GKAP1: variants seen among roughly 807,000 people sequenced by gnomAD.
GKAP1 encodes the protein G kinase anchoring protein 1.
Under a neutral mutation model 56.7 loss-of-function variants are expected in GKAP1, and 31 were observed. That is an observed-to-expected ratio of 0.55 (90% CI 0.41 to 0.74). The LOEUF (loss-of-function observed/expected upper bound fraction) is 0.74. GKAP1 is among the 30% of genes least tolerant of loss of function. GKAP1 has a pLI of 0.00. For synonymous variants in GKAP1, 151 were observed against 138.6 expected (o/e 1.09, Z -0.63); for missense variants, 364 against 402.3 (o/e 0.90, Z 0.82).
intron 7 of GKAP1, among the ~76,000 whole-genome samples, chr9:83,779,564 T>C (rs1943932028): frequency 8.7e-6 from 1 of 114,978 alleles, no homozygotes. Flanking sequence ...TATGTGTATA[T>C]ATATACACAC....
chr9:83,799,276 C>A lies in GKAP1; in HGVS notation c.269G>T (p.Cys90Phe). ...CAATGGAAGATCATGTTGAGCGTTA[C>A]AAACAGCATGGGAGGATTTCTGGGG... is the stretch of plus-strand genomic sequence containing the variant. The part of the protein sequence containing the change: ...KIPQKSSHAV[C>F]NAQHDLPLSN... Residue 90 changes from cysteine to phenylalanine, a missense_variant, in exon 4 of 13, where the codon TGT becomes TTT. Coordinates refer to ENST00000376371, the MANE Select transcript of GKAP1 (RefSeq NM_025211.4). 1 of 1,605,600 alleles carries A rather than the reference C, an allele frequency of 6.2e-7. No individual in the cohort carries two copies. Among genetic ancestry groups the A allele is most frequent in the Non-Finnish European group, 8.5e-7 (1 of 1,177,568 alleles).
chr9:83,805,157 C>T (rs915032544), intron 3 of GKAP1, among the ~76,000 whole-genome samples: 6 of 152,154 alleles, frequency 3.9e-5, no homozygotes, highest in East Asian at 1.9e-4. Context: ...TCCTGTTGAT[C>T]GGTGACCTTA....
In GKAP1 at chr9:83,739,591, T is replaced by A. The variant is rs1386743499; in HGVS notation, c.*106A>T. ...TAGGGAGCTAGTTGCTTTTAGTTCCTTCAAGAAAAACTGCATAGTTTAGCA... is the reference window on the plus strand; with the variant it reads ...TAGGGAGCTAGTTGCTTTTAGTTCCATCAAGAAAAACTGCATAGTTTAGCA... On this transcript the variant is annotated 3_prime_UTR_variant, in exon 13 of 13. Transcript: ENST00000376371. The A allele has an allele frequency of 3.8e-6, 3 of 785,222 alleles. No individual in the cohort carries two copies. Among genetic ancestry groups the A allele is most frequent in the Non-Finnish European group, 6.0e-6 (3 of 501,236 alleles). 48.6% of individuals were successfully genotyped at this position (785,222 alleles called of 1,614,324 possible).
chr9:83,778,396 G>T (rs151180548), intron 7 of GKAP1, among the ~76,000 whole-genome samples: 2 of 152,182 alleles, frequency 1.3e-5, no homozygotes, highest in African/African-American at 4.8e-5. Flanking sequence ...TCCTCTGCAG[G>T]GACATGGATA....
chr9:83,779,589 A>T (rs200437876), intron 7 of GKAP1, among the ~76,000 whole-genome samples: 1 of 111,716 alleles, frequency 9.0e-6, no homozygotes, highest in South Asian at 3.0e-4. Context: ...ATATACACGT[A>T]TATGTGTATA....
chr9:83,800,445 T>C (rs184614319), intron 3 of GKAP1, among the ~76,000 whole-genome samples: 5 of 151,410 alleles, frequency 3.3e-5, no homozygotes, highest in Non-Finnish European at 7.4e-5. Context: ...GCAATTCTCC[T>C]GCCTCAGCCT....
chr9:83,799,753 A>G (rs1403784754), intron 3 of GKAP1, among the ~76,000 whole-genome samples: 2 of 152,166 alleles, frequency 1.3e-5, no homozygotes, highest in Admixed American at 1.3e-4. Flanking sequence ...CAGGAGATTG[A>G]GACCAGCCTC....
chr9:83,811,966 A>G (rs1587745968), intron 2 of GKAP1, among the ~76,000 whole-genome samples: 1 of 152,126 alleles, frequency 6.6e-6, no homozygotes, highest in Non-Finnish European at 1.5e-5. Flanking sequence ...CAAAAGGTAC[A>G]ACGACCAGTA....
At chr9:83,803,002 G>A (rs1395105321) in intron 3 of GKAP1, among the ~76,000 whole-genome samples, 1 of 152,000 alleles carries the variant, frequency 6.6e-6, no homozygotes, top group East Asian at 1.9e-4. Context: ...CCAGTTGCTT[G>A]GGAGGCTGAG....
At chr9:83,813,148 G>C (rs1048614696) in intron 2 of GKAP1, among the ~76,000 whole-genome samples, 13 of 152,280 alleles carry the variant, frequency 8.5e-5, no homozygotes, top group African/African-American at 2.9e-4. Context: ...AGGATAAATA[G>C]ATTCAAACAC....
At chr9:83,809,969 G>C (rs2131327361) in intron 2 of GKAP1, among the ~76,000 whole-genome samples, 1 of 152,124 alleles carries the variant, frequency 6.6e-6, no homozygotes, top group African/African-American at 2.4e-5. Context: ...CACCATGCCT[G>C]GCTAATTTTT....
chr9:83,742,123 T>C, intron 11 of GKAP1, 94 bp from the exon 12 acceptor site: 1 of 737,016 alleles, frequency 1.4e-6, no homozygotes, highest in Non-Finnish European at 2.3e-6. Flanking sequence ...TTTTGACAGC[T>C]AAATGGATGA....
At chr9:83,779,805 T>C (rs1311464929) in intron 7 of GKAP1, among the ~76,000 whole-genome samples, 1 of 151,874 alleles carries the variant, frequency 6.6e-6, no homozygotes, top group Non-Finnish European at 1.5e-5. Context: ...AGCATTTTTT[T>C]AATAGCACAA....
At chr9:83,817,184 C>A (rs1236294460) in intron 1 of GKAP1, 57 bp from the exon 2 acceptor site, 1 of 152,154 alleles carries the variant, frequency 6.6e-6, no homozygotes, top group East Asian at 1.9e-4. Flanking sequence ...GCGCCCGGCT[C>A]CCCGGGAGGG....
intron 7 of GKAP1, among the ~76,000 whole-genome samples, chr9:83,770,793 C>CA (rs1943745304): frequency 6.6e-6 from 1 of 152,144 alleles, no homozygotes; most frequent in Non-Finnish European, 1.5e-5. Flanking sequence ...CTCCTGACCT[C>CA]AGGTGATCTG....
chr9:83,744,669 G>T (rs150200575), intron 10 of GKAP1, among the ~76,000 whole-genome samples: 1 of 151,834 alleles, frequency 6.6e-6, no homozygotes, highest in East Asian at 1.9e-4. Context: ...CCTTTTTCTC[G>T]TAAGTATTGT....
rs1400889937 is a variant in GKAP1 at position 83,789,693 on chromosome 9, A to G, written c.361-1015T>C. Among the ~76,000 whole-genome samples, 8 of 152,146 alleles carry G rather than the reference A, an allele frequency of 5.3e-5. 1 individual carries two copies. The highest frequency in any genetic ancestry group is 5.2e-4 in the Admixed American group (8 of 15,254). On this transcript the variant is annotated intron_variant, in intron 4 of 12. Coordinates refer to ENST00000376371, the MANE Select transcript of GKAP1 (RefSeq NM_025211.4). The stretch of plus-strand genomic sequence containing the variant: ...ACAAACACCCAAGCTATCATCACCA[A>G]TGACAAAAGGTGGGGGCAAGTGATC...
intron 7 of GKAP1, among the ~76,000 whole-genome samples, chr9:83,776,802 T>A (rs1943870476): frequency 6.6e-6 from 1 of 152,262 alleles, no homozygotes; most frequent in Admixed American, 6.5e-5. Flanking sequence ...AATTGCACTC[T>A]GATCATTTAT....
At chr9:83,788,386 A>C (rs1944099811) in intron 5 of GKAP1, among the ~76,000 whole-genome samples, 2 of 152,192 alleles carry the variant, frequency 1.3e-5, no homozygotes, top group Non-Finnish European at 2.9e-5. Context: ...TAACATTCCA[A>C]GTCACCGGAC....
Sources: gnomAD v4.1 joint callset for allele counts (sites outside exome capture counted in the v4.1 genomes callset) on GRCh38, gnomAD v4.1.1 for gene constraint, MANE v1.5 for transcripts, NCBI Gene and HGNC (gene_info 2026-07-23, HGNC 2026-07-21) for gene names.